The following PRIM2 variants were observed in gnomAD, a reference collection of about 807,000 sequenced individuals.
The protein encoded by PRIM2 is DNA primase large subunit.
PRIM2 carries 39 observed loss-of-function variants against 67.3 expected under a neutral mutation model. That is an observed-to-expected ratio of 0.58 (90% CI 0.45 to 0.76). PRIM2 has a LOEUF of 0.76. Ranked by LOEUF, PRIM2 falls within the 30% of genes least tolerant of loss-of-function variation. The pLI is 0.00. For missense variants in PRIM2, 398 were observed against 598.7 expected (o/e 0.66, Z 3.50); for synonymous variants, 143 against 198.7 (o/e 0.72, Z 2.36).
At chr6:57,441,140 A>C (rs1331356927) in intron 7 of PRIM2, among the ~76,000 whole-genome samples, 4 of 152,202 alleles carry the variant, frequency 2.6e-5, no homozygotes, top group Admixed American at 2.6e-4. Context: ...CAATGTGTGA[A>C]TGTGTATAGG....
chr6:57,442,354 G>A (rs1032181195), intron 7 of PRIM2, among the ~76,000 whole-genome samples: 18 of 152,026 alleles, frequency 1.2e-4, no homozygotes, highest in African/African-American at 4.3e-4. Flanking sequence ...GTGAGACACA[G>A]CTCATGGCAC....
chr6:57,639,937 A>G (rs1352217912), intron 13 of PRIM2, among the ~76,000 whole-genome samples: 1 of 151,980 alleles, frequency 6.6e-6, no homozygotes, highest in Non-Finnish European at 1.5e-5. Flanking sequence ...ACAAAAAAAG[A>G]AAATTTCTGG....
intron 10 of PRIM2, among the ~76,000 whole-genome samples, chr6:57,545,477 C>T (rs1249944046): frequency 2.4e-4 from 37 of 152,258 alleles, no homozygotes; most frequent in African/African-American, 8.7e-4. Context: ...GTTGCCCAGG[C>T]TGGAGTGCAG....
intron 12 of PRIM2, among the ~76,000 whole-genome samples, chr6:57,629,208 A>G (rs1246430111): frequency 6.6e-6 from 1 of 152,212 alleles, no homozygotes; most frequent in Non-Finnish European, 1.5e-5. Context: ...TACAAATTCT[A>G]GAACATCAGA....
intron 10 of PRIM2, among the ~76,000 whole-genome samples, chr6:57,557,184 T>G (rs1775529119): frequency 7.4e-6 from 1 of 135,292 alleles, no homozygotes; most frequent in African/African-American, 2.8e-5. Flanking sequence ...GGAGTGTAAA[T>G]TAGTTCAACC....
At chr6:57,275,836 C>T in the PRIM2 span, among the ~76,000 whole-genome samples, 2 of 152,120 alleles carry the variant, frequency 1.3e-5, no homozygotes, top group Admixed American at 6.5e-5. Flanking sequence ...CTCCTTCAAT[C>T]CCACCAAACG....
At chr6:57,466,196 C>T (rs1194213739) in intron 7 of PRIM2, among the ~76,000 whole-genome samples, 1 of 152,100 alleles carries the variant, frequency 6.6e-6, no homozygotes, top group Non-Finnish European at 1.5e-5. Context: ...GTATATGTGC[C>T]ACATTTTCTT....
the PRIM2 span, among the ~76,000 whole-genome samples, chr6:57,231,950 TTTC>T: frequency 6.6e-6 from 1 of 152,194 alleles, no homozygotes. Flanking sequence ...ATTCAATGCT[TTTC>T]TTCTTTTCAT....
At chr6:57,274,998 G>A in the PRIM2 span, among the ~76,000 whole-genome samples, 18 of 150,558 alleles carry the variant, frequency 1.2e-4, no homozygotes, top group Admixed American at 1.2e-3. Flanking sequence ...CGCTAGCCAG[G>A]ATGGTCTCAA....
the PRIM2 span, among the ~76,000 whole-genome samples, chr6:57,286,064 G>A: frequency 5.3e-5 from 8 of 152,006 alleles, no homozygotes; most frequent in Non-Finnish European, 1.0e-4. Context: ...CATGAAGGAC[G>A]TCTTCAAGGA....
the PRIM2 span, among the ~76,000 whole-genome samples, chr6:57,263,384 G>A: frequency 6.6e-6 from 1 of 152,128 alleles, no homozygotes; most frequent in Non-Finnish European, 1.5e-5. Context: ...GTCCTTCCTT[G>A]CCCCTTCCCA....
intron 10 of PRIM2, among the ~76,000 whole-genome samples, chr6:57,555,255 ATGTCTGGCACTT>A (rs1348560048): frequency 2.6e-5 from 4 of 152,138 alleles, no homozygotes; most frequent in African/African-American, 4.8e-5. Flanking sequence ...GTCCTGCAGT[ATGTCTGGCACTT>A]TGTGTAAATA....
the PRIM2 span, among the ~76,000 whole-genome samples, chr6:57,295,328 G>A: frequency 6.6e-6 from 1 of 151,430 alleles, no homozygotes; most frequent in Admixed American, 6.6e-5. Context: ...TCTCTTAACA[G>A]CATGAATTGA....
At chr6:57,483,416 A>G (rs1382197761) in intron 7 of PRIM2, among the ~76,000 whole-genome samples, 1 of 152,164 alleles carries the variant, frequency 6.6e-6, no homozygotes, top group Non-Finnish European at 1.5e-5. Context: ...ACACATATCT[A>G]CCCATATATC....
At chr6:57,491,947 T>G (rs1196625671) in intron 7 of PRIM2, among the ~76,000 whole-genome samples, 12 of 152,272 alleles carry the variant, frequency 7.9e-5, no homozygotes, top group African/African-American at 2.9e-4. Flanking sequence ...GCCCCTTAGT[T>G]TGAGCCGCTC....
chr6:57,631,150 A>T (rs1777032866), intron 12 of PRIM2, among the ~76,000 whole-genome samples: 1 of 152,216 alleles, frequency 6.6e-6, no homozygotes, highest in African/African-American at 2.4e-5. Flanking sequence ...CTGTCAAATG[A>T]CATTAAGCTA....
upstream of PRIM2, among the ~76,000 whole-genome samples, chr6:57,313,472 A>G (rs537609510): frequency 2.6e-5 from 4 of 152,222 alleles, no homozygotes; most frequent in Non-Finnish European, 5.9e-5. Flanking sequence ...TAATGCTGAT[A>G]TATGGAAGGG....
chr6:57,240,518 A>G, the PRIM2 span, among the ~76,000 whole-genome samples: 1 of 152,130 alleles, frequency 6.6e-6, no homozygotes, highest in Non-Finnish European at 1.5e-5. Context: ...AGATAAAATG[A>G]AAGAGTACAC....
intron 6 of PRIM2, among the ~76,000 whole-genome samples, chr6:57,381,632 C>T (rs1769963492): frequency 6.6e-6 from 1 of 152,062 alleles, no homozygotes; most frequent in Non-Finnish European, 1.5e-5. Context: ...ATTTTCAGCT[C>T]TGAATATGTT....
Sources: allele counts gnomAD v4.1 joint callset (sites outside exome capture counted in the v4.1 genomes callset), GRCh38; gene constraint gnomAD v4.1.1; transcripts MANE v1.5; gene names NCBI Gene and HGNC (gene_info 2026-07-23, HGNC 2026-07-21).